The following SLC68A1 variants were observed in gnomAD, a reference collection of about 807,000 sequenced individuals.
SLC68A1 encodes the protein major facilitator superfamily domain containing 13A.
the SLC68A1 span, chr10:102,476,700 C>T: frequency 1 from 985,858 of 986,318 alleles, 492,705 homozygotes; most frequent in East Asian, 1. Context: ...GGCAGGAGGA[C>T]AGAAGAGGAC....
the SLC68A1 span, chr10:102,470,829 C>G: frequency 5.0e-6 from 8 of 1,613,576 alleles, no homozygotes; most frequent in East Asian, 1.8e-4. Flanking sequence ...GGCTTCCTGA[C>G]GCTCGTGGAC....
chr10:102,476,950 G>A, the SLC68A1 span: 5 of 985,794 alleles, frequency 5.1e-6, no homozygotes, highest in Non-Finnish European at 6.0e-6. Context: ...GAAGTGGCAT[G>A]CCTCCTCTGC....
chr10:102,471,994 A>C, the SLC68A1 span: 1 of 456,124 alleles, frequency 2.2e-6, no homozygotes, highest in Non-Finnish European at 4.4e-6. Flanking sequence ...CCCTCTAACA[A>C]TCTTTTTAAG....
chr10:102,476,528 T>C, the SLC68A1 span: 3 of 986,076 alleles, frequency 3.0e-6, no homozygotes, highest in Non-Finnish European at 2.4e-6. Context: ...ACCAGCACCC[T>C]GCTCCACTGC....
At chr10:102,464,438 G>A in the SLC68A1 span, among the ~76,000 whole-genome samples, 2 of 150,864 alleles carry the variant, frequency 1.3e-5, no homozygotes, top group Non-Finnish European at 3.0e-5. Context: ...GCGACAGAGT[G>A]AGACTCCGTC....
chr10:102,469,215 T>G, the SLC68A1 span: 2 of 1,610,720 alleles, frequency 1.2e-6, no homozygotes, highest in South Asian at 1.1e-5. Context: ...CAGTGCTGGG[T>G]GGCTAACATG....
the SLC68A1 span, among the ~76,000 whole-genome samples, chr10:102,473,168 G>A: frequency 1.3e-5 from 2 of 152,278 alleles, no homozygotes; most frequent in South Asian, 2.1e-4. Context: ...CGGGTGCAGT[G>A]GGCATGGGGG....
At chr10:102,473,747 C>T in the SLC68A1 span, 13 of 1,610,638 alleles carry the variant, frequency 8.1e-6, no homozygotes, top group Middle Eastern at 6.6e-4. Flanking sequence ...GCCAGGTATG[C>T]CCCTGCCCAC....
At chr10:102,468,875 T>A in the SLC68A1 span, 3 of 617,518 alleles carry the variant, frequency 4.9e-6, no homozygotes, top group South Asian at 4.0e-5. Flanking sequence ...TGGAAATGAG[T>A]TTTTAAATGA....
At chr10:102,473,616 C>T in the SLC68A1 span, 1 of 1,613,758 alleles carries the variant, frequency 6.2e-7, no homozygotes, top group Admixed American at 1.7e-5. Context: ...ACTTCCTGTC[C>T]CTGTGCCGGC....
the SLC68A1 span, chr10:102,469,983 C>T: frequency 6.2e-7 from 1 of 1,613,432 alleles, no homozygotes; most frequent in Non-Finnish European, 8.5e-7. Context: ...TGTCTCCCCT[C>T]TGCCTGCAGA....
chr10:102,473,643 G>C, the SLC68A1 span: 1 of 1,614,094 alleles, frequency 6.2e-7, no homozygotes, highest in South Asian at 1.1e-5. Flanking sequence ...GCGTCTACGC[G>C]GTGGTGCGGG....
the SLC68A1 span, chr10:102,470,706 G>A: frequency 2.4e-5 from 39 of 1,612,474 alleles, no homozygotes; most frequent in Admixed American, 5.0e-5. Flanking sequence ...GTGCTGGCCC[G>A]GGTGCAGGCC....
At chr10:102,466,896 A>G in the SLC68A1 span, among the ~76,000 whole-genome samples, 1 of 152,250 alleles carries the variant, frequency 6.6e-6, no homozygotes, top group Non-Finnish European at 1.5e-5. Context: ...TACAGCCCTA[A>G]GCACCTTTAG....
the SLC68A1 span, among the ~76,000 whole-genome samples, chr10:102,463,148 G>A: frequency 1.3e-5 from 2 of 150,434 alleles, no homozygotes; most frequent in African/African-American, 4.9e-5. Flanking sequence ...AGGGATCAAG[G>A]GCGGGACTAA....
At chr10:102,466,775 CG>C in the SLC68A1 span, among the ~76,000 whole-genome samples, 1 of 152,100 alleles carries the variant, frequency 6.6e-6, no homozygotes, top group Non-Finnish European at 1.5e-5. Context: ...TCTGGGTAGG[CG>C]GGGGGAGCCT....
chr10:102,476,211 G>A, the SLC68A1 span: 15 of 693,210 alleles, frequency 2.2e-5, no homozygotes, highest in Admixed American at 3.6e-4. Context: ...GGGATTATAG[G>A]AGCGTGCCAC....
chr10:102,473,728 C>T, the SLC68A1 span: 9 of 1,613,332 alleles, frequency 5.6e-6, no homozygotes, highest in South Asian at 8.8e-5. Context: ...CCTGCTGTGC[C>T]TCTTCATTGC....
the SLC68A1 span, chr10:102,472,248 A>G: frequency 3.5e-6 from 1 of 289,584 alleles, no homozygotes; most frequent in African/African-American, 2.3e-5. Flanking sequence ...TCATGTTATG[A>G]AATTTGTTTC....
Sources: gnomAD v4.1 joint callset for allele counts (sites outside exome capture counted in the v4.1 genomes callset) on GRCh38, gnomAD v4.1.1 for gene constraint, MANE v1.5 for transcripts, NCBI Gene and HGNC (gene_info 2026-07-23, HGNC 2026-07-21) for gene names.